The following COL9A1 variants were observed in gnomAD, a reference collection of about 807,000 sequenced individuals.
COL9A1 encodes collagen alpha-1(IX) chain.
Under a neutral mutation model 142.6 loss-of-function variants are expected in COL9A1, and 104 were observed. That is an observed-to-expected ratio of 0.73 (90% confidence interval 0.62 to 0.86). The LOEUF (loss-of-function observed/expected upper bound fraction) is 0.86, where lower values mean the gene tolerates loss of function less well. Among genes scored for constraint, COL9A1 ranks in the 40% least tolerant of loss-of-function variants. The pLI, the probability that COL9A1 is intolerant of heterozygous loss-of-function variation, is 0.00. For missense variants in COL9A1, 1,210 were observed against 1,176.6 expected, an observed-to-expected ratio of 1.03 and a Z score of -0.42; for synonymous variants, 466 against 396.0, an observed-to-expected ratio of 1.18 and a Z score of -2.10.
intron 5 of COL9A1, among the ~76,000 whole-genome samples, chr6:70,286,289 CAACTCTCTATTCTTTTACCAAGGTT>C (rs1430428433): frequency 6.6e-6 from 1 of 152,154 alleles, no homozygotes; most frequent in African/African-American, 2.4e-5. Context: ...ATTTTGGCCC[CAACTCTCTATTCTTTTACCAAGGTT>C]AACGATTTCT....
At chr6:70,287,179 G>T (rs1263662565) in intron 5 of COL9A1, among the ~76,000 whole-genome samples, 1 of 152,092 alleles carries the variant, frequency 6.6e-6, no homozygotes, top group Non-Finnish European at 1.5e-5. Context: ...AAAGATTAGG[G>T]TTTACATAGA....
intron 16 of COL9A1, 78 bp downstream of exon 16, chr6:70,269,555 T>A: frequency 1.0e-6 from 1 of 987,470 alleles, no homozygotes; most frequent in East Asian, 2.4e-5. Flanking sequence ...TCCAGGGAAA[T>A]CTTTTAAAGA....
intron 32 of COL9A1, among the ~76,000 whole-genome samples, chr6:70,239,863 G>A (rs1004871714): frequency 2.0e-5 from 3 of 152,004 alleles, no homozygotes; most frequent in Non-Finnish European, 2.9e-5. Flanking sequence ...TAAAATGAAC[G>A]ATTTTAACAG....
At chr6:70,297,109 T>C (rs570233714) in intron 4 of COL9A1, among the ~76,000 whole-genome samples, 1 of 152,250 alleles carries the variant, frequency 6.6e-6, no homozygotes, top group Admixed American at 6.5e-5. Context: ...TTTCATTCAA[T>C]CTTTCCCACT....
chr6:70,296,757 T>C (rs1481104641), intron 4 of COL9A1, among the ~76,000 whole-genome samples: 1 of 152,120 alleles, frequency 6.6e-6, no homozygotes, highest in Non-Finnish European at 1.5e-5. Flanking sequence ...TGGGCAAGTG[T>C]CCATTTAAAT....
chr6:70,264,962 T>C (rs1163123575), intron 18 of COL9A1, among the ~76,000 whole-genome samples: 1 of 152,100 alleles, frequency 6.6e-6, no homozygotes, highest in East Asian at 1.9e-4. Flanking sequence ...TCAGTTTCAG[T>C]TCAGTCTATC....
intron 37 of COL9A1, among the ~76,000 whole-genome samples, chr6:70,217,293 A>G (rs1261454035): frequency 6.6e-6 from 1 of 152,208 alleles, no homozygotes; most frequent in Non-Finnish European, 1.5e-5. Flanking sequence ...TTAAAAGCAG[A>G]AAGAGACCTC....
At chr6:70,254,439 T>C in intron 25 of COL9A1, 37 bp downstream of exon 25, 3 of 1,591,030 alleles carry the variant, frequency 1.9e-6, no homozygotes, top group Non-Finnish European at 2.6e-6. Context: ...AAAACATGTA[T>C]ATAAACCAAT....
At chr6:70,272,454 T>C (rs1772469443) in intron 12 of COL9A1, among the ~76,000 whole-genome samples, 1 of 152,144 alleles carries the variant, frequency 6.6e-6, no homozygotes, top group African/African-American at 2.4e-5. Flanking sequence ...TAGCATTTTA[T>C]AGGAAACCTA....
In COL9A1 at chr6:70,274,760, G is replaced by A. The variant is rs769216621; in HGVS notation, c.988C>T (p.Pro330Ser). ...GTPGADGLTG[P>S]DGSPGSIGSK... is the part of the protein sequence containing the mutation. ...CCAATGGAGCCAGGGGATCCATCAG[G>A]TCCTGTTAATCCCTAATAGAGCAAG... Residue 330 changes from proline (P) to serine (S), a missense_variant, in exon 11 of 38, where the codon CCT (proline) becomes TCT (serine). Physicochemically the swap from Pro to Ser is moderately conservative, Grantham distance 74. Coordinates refer to ENST00000357250, the MANE Select transcript of COL9A1 (RefSeq NM_001851.6). 1.9e-6 allele frequency: 3 copies of A among 1,612,540 alleles called. No homozygotes were observed. In the South Asian group the frequency reaches 3.3e-5, roughly 18 times the overall value.
chr6:70,264,408 C>CTCATAATT (rs983395055), intron 18 of COL9A1, among the ~76,000 whole-genome samples: 13 of 151,776 alleles, frequency 8.6e-5, no homozygotes, highest in Non-Finnish European at 1.5e-4. Context: ...TGGTTTTAGC[C>CTCATAATT]TCATAATTAT....
chr6:70,245,144 A>G (rs1770513129), intron 28 of COL9A1, among the ~76,000 whole-genome samples: 2 of 152,234 alleles, frequency 1.3e-5, no homozygotes, highest in South Asian at 2.1e-4. Flanking sequence ...CCCAAGAGTG[A>G]CCAAACAGTT....
At chr6:70,235,750 C>T (rs6932776) in intron 33 of COL9A1, among the ~76,000 whole-genome samples, 54,721 of 151,772 alleles carry the variant, frequency 0.36, 11,930 homozygotes, top group Non-Finnish European at 0.5. Context: ...TGTGAAGATG[C>T]CAGGTATATC....
intron 18 of COL9A1, among the ~76,000 whole-genome samples, chr6:70,263,935 T>A (rs1771859729): frequency 6.6e-6 from 1 of 151,954 alleles, no homozygotes; most frequent in South Asian, 2.1e-4. Flanking sequence ...ACCCGTAATT[T>A]GTTTGGATGT....
chr6:70,268,377 G>A (rs1445543724), intron 17 of COL9A1, among the ~76,000 whole-genome samples: 3 of 152,058 alleles, frequency 2.0e-5, no homozygotes, highest in Admixed American at 2.0e-4. Context: ...ACCATGCCTA[G>A]CTAATTTTTT....
chr6:70,217,695 G>A (rs2127544898), intron 37 of COL9A1, among the ~76,000 whole-genome samples: 1 of 152,286 alleles, frequency 6.6e-6, no homozygotes, highest in South Asian at 2.1e-4. Context: ...GCAACATCCG[G>A]GCAGGGAGAA....
intron 5 of COL9A1, among the ~76,000 whole-genome samples, chr6:70,284,835 A>G (rs1050938247): frequency 3.3e-5 from 5 of 152,202 alleles, no homozygotes; most frequent in South Asian, 2.1e-4. Context: ...CTTTTCTTTC[A>G]TGCAATAGAG....
intron 5 of COL9A1, among the ~76,000 whole-genome samples, chr6:70,285,459 A>AC (rs2127600914): frequency 6.6e-6 from 1 of 152,374 alleles, no homozygotes; most frequent in South Asian, 2.1e-4. Context: ...TGATTTTCAC[A>AC]CATTTCTCAT....
chr6:70,264,197 A>G (rs1371354076), intron 18 of COL9A1, among the ~76,000 whole-genome samples: 1 of 151,986 alleles, frequency 6.6e-6, no homozygotes, highest in Non-Finnish European at 1.5e-5. Flanking sequence ...TTTCATTTAT[A>G]GTTACTCTTA....
Sources: gnomAD v4.1 joint callset for allele counts (sites outside exome capture counted in the v4.1 genomes callset) on GRCh38, gnomAD v4.1.1 for gene constraint, MANE v1.5 for transcripts, NCBI Gene and HGNC (gene_info 2026-07-23, HGNC 2026-07-21) for gene names.